The following SYCP2 variants were observed in gnomAD, a reference collection of about 807,000 sequenced individuals.
SYCP2 encodes the protein synaptonemal complex lateral element protein.
SYCP2 carries 55 observed loss-of-function variants against 211.3 expected under a neutral mutation model. The observed-to-expected ratio is 0.26, with a 90% CI of 0.21 to 0.33. The LOEUF (loss-of-function observed/expected upper bound fraction) is 0.33, where lower values mean the gene tolerates loss of function less well. Ranked by LOEUF, SYCP2 falls within the 10% of genes least tolerant of loss-of-function variation. SYCP2 has a pLI of 1.00. For synonymous variants in SYCP2, 570 were observed against 555.2 expected (o/e 1.03, Z -0.37); for missense variants, 1,731 against 1,752.0 (o/e 0.99, Z 0.21).
intron 31 of SYCP2, among the ~76,000 whole-genome samples, chr20:59,879,860 TATACACAC>T (rs1470728010): frequency 4.1e-5 from 5 of 120,610 alleles, no homozygotes; most frequent in Non-Finnish European, 6.9e-5. Flanking sequence ...TATATATATA[TATACACAC>T]ACACACACAC....
Position 59,915,190 on chromosome 20 carries a change from C to A in SYCP2, c.609G>T (p.Met203Ile). Residue 203 changes from methionine to isoleucine, a missense_variant, in exon 10 of 45, where the codon ATG becomes ATT. By Grantham distance (10) the Met-to-Ile change is conservative. This residue lies in a region of SYCP2 where 335 missense variants were observed against 378.8 expected (regional missense o/e 0.88). Coordinates refer to ENST00000357552, the MANE Select transcript of SYCP2 (RefSeq NM_014258.4). The part of the protein sequence containing the change: ...NQEMLILMSS[M>I]GERILDAGDY... The stretch of plus-strand genomic sequence containing the variant: ...CTCCAGCATCTAAAATCCTTTCTCC[C>A]ATACTACTCCTGTGAATTAAAATAA... 1 of 1,578,200 alleles carries A rather than the reference C, an allele frequency of 6.3e-7. No homozygotes were observed. Among genetic ancestry groups the A allele is most frequent in the Non-Finnish European group, 8.7e-7 (1 of 1,149,270 alleles).
At chr20:59,902,088 TAATAA>T (rs1212959478) in intron 15 of SYCP2, among the ~76,000 whole-genome samples, 4 of 152,148 alleles carry the variant, frequency 2.6e-5, no homozygotes, top group African/African-American at 9.7e-5. Flanking sequence ...AACAAATTCT[TAATAA>T]AATATTCCTT....
chr20:59,932,497 G>A (rs111248857), intron 1 of SYCP2, among the ~76,000 whole-genome samples: 10 of 152,248 alleles, frequency 6.6e-5, no homozygotes, highest in African/African-American at 2.2e-4. Context: ...CCAACATGGA[G>A]AAAACCCGTC....
intron 5 of SYCP2, among the ~76,000 whole-genome samples, chr20:59,920,042 C>T (rs6071029): frequency 0.047 from 7,108 of 151,550 alleles, 253 homozygotes; most frequent in African/African-American, 0.099. Flanking sequence ...AAAATCAATA[C>T]CCTACATGCT....
chr20:59,893,045 T>C (rs2059938032), intron 22 of SYCP2, 97 bp downstream of exon 22: 3 of 852,532 alleles, frequency 3.5e-6, no homozygotes, highest in Non-Finnish European at 5.5e-6. Flanking sequence ...TTAATACTAA[T>C]TCTAATCATA....
chr20:59,929,860 A>T (rs1568994000), intron 2 of SYCP2, among the ~76,000 whole-genome samples: 1 of 152,116 alleles, frequency 6.6e-6, no homozygotes, highest in African/African-American at 2.4e-5. Context: ...GAGAATTTTA[A>T]TTATTTATTT....
rs1026999183 is a variant in SYCP2, at chr20:59,925,118, A to G, written c.-46-2659T>C. On this transcript the variant is annotated intron_variant, in intron 2 of 44. Transcript: ENST00000357552. ...AGATTATAAAAAGCTCTAACCATAA[A>G]AGACAACTGATAAGTTGGACAACCT... Among the ~76,000 whole-genome samples the G allele has an allele frequency of 2.0e-5, 3 of 152,050 alleles. No homozygotes were observed. The South Asian group carries it at 6.2e-4, about 31-fold the overall frequency.
intron 25 of SYCP2, 121 bp from the exon 26 acceptor site, chr20:59,886,085 G>T (rs1024917689): frequency 2.8e-6 from 2 of 719,106 alleles, no homozygotes; most frequent in Non-Finnish European, 4.7e-6. Flanking sequence ...TAACCAAAAT[G>T]TAACAGTAAT....
At chr20:59,890,090 A>G (rs528066898) in intron 24 of SYCP2, among the ~76,000 whole-genome samples, 6 of 152,302 alleles carry the variant, frequency 3.9e-5, no homozygotes, top group African/African-American at 1.4e-4. Context: ...CTATAAAGAC[A>G]CATGCACATG....
intron 23 of SYCP2, 32 bp from the exon 24 acceptor site, chr20:59,892,458 T>C (rs763241484): frequency 2.1e-5 from 30 of 1,454,470 alleles, no homozygotes; most frequent in African/African-American, 2.9e-5. Context: ...TAATTCTTTT[T>C]AAATTAATAA....
At chr20:59,878,122 G>T in intron 31 of SYCP2, 77 bp from the exon 32 acceptor site, 1 of 965,714 alleles carries the variant, frequency 1.0e-6, no homozygotes, top group Non-Finnish European at 1.6e-6. Context: ...CATCATTTCA[G>T]CATATTTAAA....
intron 39 of SYCP2, among the ~76,000 whole-genome samples, 197 bp from the exon 40 acceptor site, chr20:59,866,786 T>C (rs1437027699): frequency 6.6e-6 from 1 of 151,694 alleles, no homozygotes; most frequent in Non-Finnish European, 1.5e-5. Flanking sequence ...ACTCCATCAG[T>C]AGGTCTTTGA....
In SYCP2 at chr20:59,893,006, A is replaced by G. The variant is rs192734240; in HGVS notation, c.1793+136T>C. ...GAAAAAACCATATACATAATTCCCC[A>G]TTGTGCTGTCATAACACTTGAGAGA... On this transcript the variant is annotated intron_variant, in intron 22 of 44. Transcript: ENST00000357552. The G allele has an allele frequency of 4.4e-5, 30 of 680,858 alleles. No homozygotes were observed. The African/African-American group carries it at 5.5e-4, about 13-fold the overall frequency. The allele number at this position is 680,858 out of a possible 1,614,324, so 42.2% of individuals were successfully genotyped here.
intron 31 of SYCP2, among the ~76,000 whole-genome samples, chr20:59,879,005 C>T (rs1160267110): frequency 1.3e-5 from 2 of 152,036 alleles, no homozygotes; most frequent in African/African-American, 2.4e-5. Flanking sequence ...ATTTCAATTT[C>T]GTAAGTTAAA....
rs570788201 is a variant in SYCP2, at chr20:59,930,707, T to C, written c.-47+1355A>G. 7.9e-5 allele frequency among the ~76,000 whole-genome samples: 12 copies of C among 151,848 alleles called. 1 individual carries two copies. Among genetic ancestry groups the C allele is most frequent in the Non-Finnish European group, 8.8e-5 (6 of 68,012 alleles). On this transcript the variant is annotated intron_variant, in intron 2 of 44. Transcript: ENST00000357552. ...AGCAAACACTAAAATAGTGAATAAA[T>C]GTATTGTTATAATATTTAATAATAT...
chr20:59,886,625 G>A, intron 25 of SYCP2, 82 bp downstream of exon 25: 1 of 1,047,698 alleles, frequency 9.5e-7, no homozygotes, highest in Non-Finnish European at 1.3e-6. Flanking sequence ...CTGAACCTAT[G>A]TTTAAAATTA....
At chr20:59,921,128 A>G (rs2060533812) in intron 4 of SYCP2, among the ~76,000 whole-genome samples, 182 bp downstream of exon 4, 1 of 151,632 alleles carries the variant, frequency 6.6e-6, no homozygotes, top group Admixed American at 6.6e-5. Context: ...TGACATTCCA[A>G]TGTGTTGAGA....
At position 59,921,314 on chromosome 20, in the gene SYCP2, C is replaced by A. The variant is rs1440953138; in HGVS notation, c.164G>T (p.Cys55Phe). Residue 55 changes from cysteine to phenylalanine, a missense_variant, in exon 4 of 45, where the codon TGC (cysteine) becomes TTC (phenylalanine). By Grantham distance (205) the Cys-to-Phe change is radical (BLOSUM62 -2). Transcript: ENST00000357552. Reference sequence around the variant, plus strand: ...TCAGCAAAAATGAATATTTACCCTGCATATAAGGTTGTCCACCTTGTGGAA... The same window carrying A: ...TCAGCAAAAATGAATATTTACCCTGAATATAAGGTTGTCCACCTTGTGGAA... ...QFFHKVDNLI[C>F]RELNKEDIHN... is the part of the protein sequence containing the mutation. The A allele has an allele frequency of 1.9e-6, 3 of 1,595,160 alleles. No homozygotes were observed. Among genetic ancestry groups the A allele is most frequent in the Non-Finnish European group, 2.6e-6 (3 of 1,170,406 alleles).
intron 15 of SYCP2, among the ~76,000 whole-genome samples, chr20:59,902,905 G>A (rs949962943): frequency 2.6e-5 from 4 of 152,038 alleles, no homozygotes; most frequent in Non-Finnish European, 5.9e-5. Context: ...TTCATGTTTT[G>A]ATGAAAATTA....
Sources: allele counts gnomAD v4.1 joint callset (sites outside exome capture counted in the v4.1 genomes callset), GRCh38; gene constraint gnomAD v4.1.1; regional missense constraint gnomAD v4.1.1; transcripts MANE v1.5; gene names NCBI Gene and HGNC (gene_info 2026-07-23, HGNC 2026-07-21).